Variants in P3H1 observed in about 807,000 individuals in gnomAD.
P3H1 encodes the protein growth suppressor 1.
Under a neutral mutation model 84.0 loss-of-function variants are expected in P3H1, and 69 were observed. The observed-to-expected ratio is 0.82, with a 90% CI of 0.68 to 1.00. P3H1 has a LOEUF of 1.00. P3H1 is among the 50% of genes least tolerant of loss of function. The pLI is 0.00. For missense variants in P3H1, 878 were observed against 962.8 expected, an observed-to-expected ratio of 0.91 and a Z score of 1.17; for synonymous variants, 366 against 388.8, an observed-to-expected ratio of 0.94 and a Z score of 0.69.
rs759697322 is a variant in P3H1, at chr1:42,757,844, T to C, written c.1019A>G (p.Asn340Ser). ...FFPNDEVMNQNLAYYAAMLGE... is the reference protein window; with the variant it reads ...FFPNDEVMNQSLAYYAAMLGE... ...AAGCATAGCTGCATAATAGGCCAAA[T>C]TTTGGTTCATCACCTCGTCATTGGG... Residue 340 changes from asparagine to serine, a missense_variant, in exon 5 of 15, where the codon AAT becomes AGT. Transcript: ENST00000296388. 1 of 1,614,202 alleles carries C rather than the reference T, an allele frequency of 6.2e-7. No individual in the cohort carries two copies. Among genetic ancestry groups the C allele is most frequent in the Admixed American group, 1.7e-5 (1 of 60,024 alleles).
chr1:42,765,680 G>T (rs1652947668), intron 1 of P3H1, among the ~76,000 whole-genome samples: 1 of 152,154 alleles, frequency 6.6e-6, no homozygotes, highest in South Asian at 2.1e-4. Context: ...TGTCTCTTTA[G>T]ATCGAATCGA....
intron 1 of P3H1, among the ~76,000 whole-genome samples, chr1:42,766,131 A>G (rs1312141971): frequency 6.6e-6 from 1 of 152,014 alleles, no homozygotes; most frequent in East Asian, 1.9e-4. Context: ...TGGAAAACCA[A>G]CCGGAAGGGA....
intron 7 of P3H1, 46 bp downstream of exon 7, chr1:42,755,119 G>A (rs768117181): frequency 1.6e-5 from 26 of 1,612,274 alleles, no homozygotes; most frequent in Non-Finnish European, 2.1e-5. Flanking sequence ...AGCCTCAAGT[G>A]CTTCATCAGA....
At chr1:42,747,894 G>A (rs1026759630) in intron 12 of P3H1, 96 bp from the exon 13 acceptor site, 2 of 1,182,312 alleles carry the variant, frequency 1.7e-6, no homozygotes, top group Non-Finnish European at 2.5e-6. Flanking sequence ...GCAGGAGGGT[G>A]GCTTTGTGTG....
rs1429289971 is a variant in P3H1 at position 42,748,404 on chromosome 1, T to C, written c.1721-87A>G. ...TTGGCAGGGGAGGTGCTTCCCAAAA[T>C]GTGTTTGAGTCTACGGAATGCCCAA... On this transcript the variant is annotated intron_variant, in intron 11 of 14. Coordinates refer to ENST00000296388, the MANE Select transcript of P3H1 (RefSeq NM_022356.4). The C allele has an allele frequency of 4.0e-6, 4 of 991,832 alleles. No individual in the cohort carries two copies. The East Asian group carries it at 7.1e-5, about 18-fold the overall frequency. 61.4% of individuals were successfully genotyped at this position (991,832 alleles called of 1,614,324 possible).
At chr1:42,759,879 G>A in intron 2 of P3H1, 1 of 168,230 alleles carries the variant, frequency 5.9e-6, no homozygotes, top group Non-Finnish European at 1.3e-5. Flanking sequence ...ACTGTGCCTG[G>A]CCAAAAAACA....
At chr1:42,759,449 C>G (rs1403049418) in intron 2 of P3H1, 59 bp from the exon 3 acceptor site, 5 of 1,469,852 alleles carry the variant, frequency 3.4e-6, no homozygotes, top group Non-Finnish European at 4.7e-6. Context: ...TCTCTCCTTG[C>G]CCTCAGCCAC....
chr1:42,750,653 G>GT (rs1557563170), intron 10 of P3H1, among the ~76,000 whole-genome samples: 1 of 130,002 alleles, frequency 7.7e-6, no homozygotes. Context: ...GGGAGGCCGG[G>GT]GGGGGTGGTC....
chr1:42,752,237 T>A (rs1208275444), intron 10 of P3H1, 37 bp downstream of exon 10: 3 of 1,555,550 alleles, frequency 1.9e-6, no homozygotes, highest in Non-Finnish European at 1.8e-6. Context: ...TCCCCACCCC[T>A]TTCTCCACAC....
chr1:42,747,589 G>GC lies in P3H1; in HGVS notation c.1914+133dup, dbSNP rs951065334. The GC allele has an allele frequency of 2.7e-6, 3 of 1,127,680 alleles. No homozygotes were observed. In the African/African-American group the frequency reaches 4.6e-5, roughly 17 times the overall value. 69.9% of individuals were successfully genotyped at this position (1,127,680 alleles called of 1,614,324 possible). On this transcript the variant is annotated intron_variant, in intron 13 of 14. Coordinates refer to ENST00000296388, the MANE Select transcript of P3H1 (RefSeq NM_022356.4). ...AGAGGAGTGATGGACACGTCTCAAA[G>GC]CCCCTCTGGATGGGGGAAGGGTACC... is the stretch of plus-strand genomic sequence containing the variant.
intron 11 of P3H1, among the ~76,000 whole-genome samples, chr1:42,749,047 C>T (rs1290642898): frequency 6.6e-6 from 1 of 152,264 alleles, no homozygotes; most frequent in African/African-American, 2.4e-5. Context: ...AGGGCTTTGC[C>T]CTTGTCCACA....
At chr1:42,751,572 AAAATAAATAAAT>A (rs890072325) in intron 10 of P3H1, 3 of 141,968 alleles carry the variant, frequency 2.1e-5, no homozygotes, top group Admixed American at 7.0e-5. Flanking sequence ...CAATAAAAAA[AAAATAAATAAAT>A]AAATAAATAA....
In P3H1 at chr1:42,767,002, C is replaced by T. The variant is rs781090821; in HGVS notation, c.-31G>A. On this transcript the variant is annotated 5_prime_UTR_variant, in exon 1 of 15. Transcript: ENST00000296388. ...CCTCAGACCTAACGGAACCGCCAGC[C>T]ACCCGCCACCAAGGCCGGAGTCCTA... 1.9e-6 allele frequency: 3 copies of T among 1,598,732 alleles called. No homozygotes were observed. The highest frequency in any genetic ancestry group is 2.5e-6 in the Non-Finnish European group (3 of 1,177,424).
chr1:42,752,064 GCTCA>G (rs1364763943), intron 10 of P3H1, among the ~76,000 whole-genome samples: 2 of 152,158 alleles, frequency 1.3e-5, no homozygotes, highest in Non-Finnish European at 2.9e-5. Flanking sequence ...GTCTTATCCT[GCTCA>G]CTTTGTTTTG....
In P3H1 at chr1:42,754,998, C is replaced by G. The variant is rs749297067; in HGVS notation, c.1224-8G>C. The G allele has an allele frequency of 5.2e-5, 84 of 1,614,044 alleles. No homozygotes were observed. Among genetic ancestry groups the G allele is most frequent in the Non-Finnish European group, 7.0e-5 (83 of 1,180,042 alleles). Reference sequence around the variant, plus strand: ...GCTGTTTCCCGTTCTGACCTATGAGCACAGCCGCTCTGAGGACTGCATTCC... The same window carrying G: ...GCTGTTTCCCGTTCTGACCTATGAGGACAGCCGCTCTGAGGACTGCATTCC... On this transcript the variant is annotated splice_region_variant and splice_polypyrimidine_tract_variant and intron_variant, in intron 7 of 14. Coordinates refer to ENST00000296388, the MANE Select transcript of P3H1 (RefSeq NM_022356.4). The surrounding 1 kb of genome is among the most constrained non-coding windows in gnomAD (Gnocchi z 4.0).
At chr1:42,760,494 ACAC>A (rs1652651886) in intron 2 of P3H1, 1 of 151,410 alleles carries the variant, frequency 6.6e-6, no homozygotes, top group African/African-American at 2.4e-5. Flanking sequence ...TTACAGACAT[ACAC>A]CACCACACCT....
intron 5 of P3H1, 23 bp from the exon 6 acceptor site, chr1:42,755,660 A>C: frequency 5.1e-6 from 8 of 1,569,588 alleles, no homozygotes; most frequent in Non-Finnish European, 7.0e-6. Flanking sequence ...AAGCAAACAA[A>C]TCCCCCAGAA....
intron 1 of P3H1, among the ~76,000 whole-genome samples, chr1:42,766,246 A>G (rs1460132760): frequency 2.0e-5 from 3 of 152,104 alleles, no homozygotes; most frequent in Non-Finnish European, 4.4e-5. Flanking sequence ...TTCCCAGGGA[A>G]CAAAATGGCC....
Position 42,752,588 on chromosome 1 carries a change from C to T in P3H1, c.1422G>A (p.Met474Ile). The change falls in exon 9 of 15, where the codon ATG becomes ATA. Residue 474 changes from methionine (M) to isoleucine (I), a missense_variant. Physicochemically the swap from Met to Ile is conservative, Grantham distance 10. Transcript: ENST00000296388. ...ACTCGTGGTCAGAGATTACGCCGTC[C>T]ATCACCACCCGCTGGGAACCATTCA... ...KLLNGSQRVV[M>I]DGVISDHECQ... The T allele has an allele frequency of 1.2e-6, 2 of 1,614,206 alleles. No individual in the cohort carries two copies. The highest frequency in any genetic ancestry group is 1.7e-6 in the Non-Finnish European group (2 of 1,180,034).
Sources: gnomAD v4.1 joint callset for allele counts (sites outside exome capture counted in the v4.1 genomes callset) on GRCh38, gnomAD v4.1.1 for gene constraint, Gnocchi (gnomAD v3.1) non-coding constraint, MANE v1.5 for transcripts, NCBI Gene and HGNC (gene_info 2026-07-23, HGNC 2026-07-21) for gene names.